PTPN5: variants seen among roughly 807,000 people sequenced by gnomAD.
PTPN5 encodes tyrosine-protein phosphatase non-receptor type 5.
PTPN5 carries 29 observed loss-of-function variants against 73.9 expected under a neutral mutation model. The observed-to-expected ratio is 0.39, with a 90% CI of 0.29 to 0.54. The LOEUF (loss-of-function observed/expected upper bound fraction) is 0.54. Ranked by LOEUF, PTPN5 falls within the 20% of genes least tolerant of loss-of-function variation. PTPN5 has a pLI of 0.65. For synonymous variants in PTPN5, 267 were observed against 304.7 expected (o/e 0.88, Z 1.29); for missense variants, 652 against 751.4 (o/e 0.87, Z 1.55).
intron 3 of PTPN5, among the ~76,000 whole-genome samples, chr11:18,757,415 C>A (rs1850206368): frequency 1.3e-5 from 2 of 152,210 alleles, no homozygotes; most frequent in African/African-American, 4.8e-5. Context: ...CTGCTCCAAT[C>A]CTCCATCAGG....
chr11:18,740,714 G>A lies in PTPN5; in HGVS notation c.804C>T (p.Ser268=). Reference sequence around the variant, plus strand: ...ACTCGCGGGCGGACTCCTCACGTGGGGACATGAGATAGCCAAAGCCCTCCT... The same window carrying A: ...ACTCGCGGGCGGACTCCTCACGTGGAGACATGAGATAGCCAAAGCCCTCCT... ...CNEEGFGYLM[S]PREESAREYL... is the part of the protein sequence containing the mutation. Residue 268 remains serine, a synonymous_variant, in exon 8 of 15, where the codon TCC becomes TCT. Coordinates refer to ENST00000358540, the MANE Select transcript of PTPN5 (RefSeq NM_006906.2). 1 of 1,606,288 alleles carries A rather than the reference G, an allele frequency of 6.2e-7. No individual in the cohort carries two copies. Among genetic ancestry groups the A allele is most frequent in the Non-Finnish European group, 8.5e-7 (1 of 1,175,832 alleles).
At chr11:18,761,241 GC>G (rs534693113) in intron 3 of PTPN5, among the ~76,000 whole-genome samples, 147 of 152,328 alleles carry the variant, frequency 9.7e-4, no homozygotes, top group African/African-American at 3.4e-3. Flanking sequence ...CCATGTGCTG[GC>G]CCCCACTGGC....
chr11:18,765,028 T>C (rs1850578324), intron 3 of PTPN5, among the ~76,000 whole-genome samples: 1 of 152,226 alleles, frequency 6.6e-6, no homozygotes, highest in Non-Finnish European at 1.5e-5. Context: ...ACTTGTCTTC[T>C]AACAAAATGT....
chr11:18,768,074 C>G (rs1245677234), intron 2 of PTPN5, among the ~76,000 whole-genome samples: 1 of 152,224 alleles, frequency 6.6e-6, no homozygotes, highest in Non-Finnish European at 1.5e-5. Context: ...ATTGTATCTT[C>G]AAAGCCTCGC....
chr11:18,738,135 G>A (rs1325774334), intron 8 of PTPN5, among the ~76,000 whole-genome samples, 171 bp from the exon 9 acceptor site: 1 of 152,196 alleles, frequency 6.6e-6, no homozygotes, highest in Admixed American at 6.5e-5. Context: ...TCAGAACAGT[G>A]CCTGGCACAT....
intron 3 of PTPN5, among the ~76,000 whole-genome samples, chr11:18,753,824 G>A (rs746507035): frequency 6.6e-6 from 1 of 152,198 alleles, no homozygotes; most frequent in Non-Finnish European, 1.5e-5. Context: ...CTTGGGGAGT[G>A]CTGTGCAGCC....
chr11:18,784,553 A>G (rs1027328381), intron 1 of PTPN5, among the ~76,000 whole-genome samples: 1 of 152,218 alleles, frequency 6.6e-6, no homozygotes, highest in Non-Finnish European at 1.5e-5. Context: ...AGATAAAAAG[A>G]TTCTGGAGAT....
intron 3 of PTPN5, among the ~76,000 whole-genome samples, chr11:18,753,668 G>A (rs1849995199): frequency 6.6e-6 from 1 of 152,218 alleles, no homozygotes; most frequent in African/African-American, 2.4e-5. Flanking sequence ...GCCCTAGGAT[G>A]TTAATGTCAA....
At chr11:18,755,580 A>T (rs1590552933) in intron 3 of PTPN5, among the ~76,000 whole-genome samples, 1 of 18,702 alleles carries the variant, frequency 5.3e-5, no homozygotes, top group Non-Finnish European at 1.6e-4. Flanking sequence ...CTGGGAGGCT[A>T]ACTCAAGACT....
At chr11:18,774,216 G>A (rs559197452) in intron 1 of PTPN5, among the ~76,000 whole-genome samples, 1 of 152,262 alleles carries the variant, frequency 6.6e-6, no homozygotes, top group Non-Finnish European at 1.5e-5. Context: ...CAGTGAATGA[G>A]AAAGGTGAAT....
intron 9 of PTPN5, among the ~76,000 whole-genome samples, chr11:18,737,589 T>C (rs1391390722): frequency 6.6e-6 from 1 of 152,190 alleles, no homozygotes; most frequent in Non-Finnish European, 1.5e-5. Flanking sequence ...GTTACCACAG[T>C]GTGGCTAGGA....
Position 18,732,712 on chromosome 11 carries a change from C to A in PTPN5, c.1219-10G>T, listed in dbSNP as rs1404894199. ...AATACTCGGTGCATTTCTGCAGGGG[C>A]CCAGATCAGGCTGCCATACAATCCT... is the stretch of plus-strand genomic sequence containing the variant. On this transcript the variant is annotated splice_polypyrimidine_tract_variant and intron_variant, in intron 11 of 14. Coordinates refer to ENST00000358540, the MANE Select transcript of PTPN5 (RefSeq NM_006906.2). 3.7e-6 allele frequency: 6 copies of A among 1,608,544 alleles called. No individual in the cohort carries two copies. The highest frequency in any genetic ancestry group is 5.1e-6 in the Non-Finnish European group (6 of 1,175,700).
chr11:18,763,868 T>C (rs545172697), intron 3 of PTPN5, among the ~76,000 whole-genome samples: 1 of 152,346 alleles, frequency 6.6e-6, no homozygotes, highest in South Asian at 2.1e-4. Flanking sequence ...GTTAAGTGAC[T>C]TGTGCATAAA....
chr11:18,733,780 AT>A lies in PTPN5; in HGVS notation c.1001-146del, dbSNP rs1160863298. ...TTGCCCAGCAGCAAAACATTGACCCATTCATGGTTCATTTTGTAGGTGAGGA... is the reference window on the plus strand; with the variant it reads ...TTGCCCAGCAGCAAAACATTGACCCATCATGGTTCATTTTGTAGGTGAGGA... On this transcript the variant is annotated intron_variant, in intron 9 of 14. Coordinates refer to ENST00000358540, the MANE Select transcript of PTPN5 (RefSeq NM_006906.2). This position sits in a 1 kb window ranked among gnomAD's most constrained non-coding sequence, Gnocchi z 4.3. 8.1e-6 allele frequency: 6 copies of A among 745,258 alleles called. No homozygotes were observed. The African/African-American group carries it at 1.0e-4, about 13-fold the overall frequency. The allele number at this position is 745,258 out of a possible 1,614,324, so 46.2% of individuals were successfully genotyped here.
At chr11:18,730,621 CCT>C (rs1303088161) in intron 12 of PTPN5, 3 of 153,048 alleles carry the variant, frequency 2.0e-5, no homozygotes, top group Non-Finnish European at 4.4e-5. Context: ...GGAAGTGGGT[CCT>C]CACCAGGGTC....
Position 18,728,849 on chromosome 11 carries a change from A to G in PTPN5, c.*85T>C. On this transcript the variant is annotated 3_prime_UTR_variant, in exon 15 of 15. Transcript: ENST00000358540. The surrounding 1 kb of genome is among the most constrained non-coding windows in gnomAD (Gnocchi z 4.1). ...GACTGAAGGGGAGGAAGCGGGGAGC[A>G]GGCCCAGGACCCGAGGCAGGGCCCT... is the stretch of plus-strand genomic sequence containing the variant. The G allele has an allele frequency of 7.5e-7, 1 of 1,327,340 alleles. No individual in the cohort carries two copies. Among genetic ancestry groups the G allele is most frequent in the Non-Finnish European group, 1.0e-6 (1 of 955,236 alleles). The allele number at this position is 1,327,340 out of a possible 1,614,324, so 82.2% of individuals were successfully genotyped here. A position where few individuals can be genotyped will look rare whatever the true frequency, so the allele number is the denominator to read the frequency against.
chr11:18,782,209 G>C (rs1851466223), intron 1 of PTPN5, among the ~76,000 whole-genome samples: 1 of 152,142 alleles, frequency 6.6e-6, no homozygotes, highest in African/African-American at 2.4e-5. Flanking sequence ...GTGACAACGT[G>C]GATGGATCTC....
intron 1 of PTPN5, among the ~76,000 whole-genome samples, chr11:18,782,509 T>G (rs1460792541): frequency 6.6e-6 from 1 of 152,246 alleles, no homozygotes; most frequent in African/African-American, 2.4e-5. Flanking sequence ...GTTACAGGTA[T>G]GAGCCACTGC....
intron 3 of PTPN5, among the ~76,000 whole-genome samples, chr11:18,751,539 G>A (rs190797519): frequency 2.0e-5 from 3 of 152,150 alleles, no homozygotes; most frequent in Non-Finnish European, 2.9e-5. Flanking sequence ...TGAGCAACAC[G>A]ACCAAGAGAT....
Sources: gnomAD v4.1 joint callset for allele counts (sites outside exome capture counted in the v4.1 genomes callset) on GRCh38, gnomAD v4.1.1 for gene constraint, Gnocchi (gnomAD v3.1) non-coding constraint, MANE v1.5 for transcripts, NCBI Gene and HGNC (gene_info 2026-07-23, HGNC 2026-07-21) for gene names.